The following CREBL2 variants were observed in gnomAD, a reference collection of about 807,000 sequenced individuals.
CREBL2 encodes the protein cAMP-responsive element-binding protein-like 2.
A neutral mutation model predicts 19.5 loss-of-function variants in CREBL2; 4 were observed. The ratio of observed to expected loss-of-function variants is 0.20; its 90% CI spans 0.10 to 0.47. CREBL2 has a LOEUF of 0.47. Ranked by LOEUF, CREBL2 falls within the 20% of genes least tolerant of loss-of-function variation. The pLI, the probability that CREBL2 is intolerant of heterozygous loss-of-function variation, is 0.98. For synonymous variants in CREBL2, 42 were observed against 46.6 expected (o/e 0.90, Z 0.40); for missense variants, 85 against 145.1 (o/e 0.59, Z 2.13).
At chr12:12,630,803 T>C (rs1945437884) in intron 1 of CREBL2, among the ~76,000 whole-genome samples, 1 of 151,410 alleles carries the variant, frequency 6.6e-6, no homozygotes, top group Non-Finnish European at 1.5e-5. Flanking sequence ...TATTTTCTTT[T>C]TCTTTCATCT....
intron 3 of CREBL2, among the ~76,000 whole-genome samples, chr12:12,638,301 G>A (rs1201659497): frequency 6.6e-6 from 1 of 152,088 alleles, no homozygotes. Context: ...ATTAGGCGCA[G>A]TGGTGTGCGC....
At position 12,616,516 on chromosome 12, in the gene CREBL2, G is replaced by A. The variant is rs116011341; in HGVS notation, c.15+4329G>A. ...AAAATTCATTTAAATGTCTCTGGAT[G>A]GAGAGTGCCTCTGGAATACTCTACT... On this transcript the variant is annotated intron_variant, in intron 1 of 3. Transcript: ENST00000228865. Among the ~76,000 whole-genome samples the A allele has an allele frequency of 7.0e-3, 1,059 of 152,310 alleles. 14 individuals carry two copies. The highest frequency in any genetic ancestry group is 0.024 in the African/African-American group (995 of 41,558).
intron 1 of CREBL2, among the ~76,000 whole-genome samples, chr12:12,631,390 G>A (rs1454574948): frequency 6.6e-6 from 1 of 152,178 alleles, no homozygotes; most frequent in Non-Finnish European, 1.5e-5. Context: ...TTTAAAGCCA[G>A]CTGTTTAAAT....
chr12:12,634,701 T>G (rs1399596242), intron 1 of CREBL2, among the ~76,000 whole-genome samples: 1 of 152,178 alleles, frequency 6.6e-6, no homozygotes, highest in Middle Eastern at 3.2e-3. Context: ...GAACTTACAG[T>G]TTTGAATGTT....
At position 12,611,903 on chromosome 12, in the gene CREBL2, TA is replaced by T; in HGVS notation, c.-267del. On this transcript the variant is annotated 5_prime_UTR_variant, in exon 1 of 4. Transcript: ENST00000228865. ...TCTCGGCGGCTCTCCAGAGCGTCTG[TA>T]AACACCCAGAGACTGTCATGGAGGG... The T allele has an allele frequency of 1.9e-6, 1 of 537,146 alleles. No individual in the cohort carries two copies. Among genetic ancestry groups the T allele is most frequent in the Non-Finnish European group, 3.3e-6 (1 of 303,812 alleles). 33.3% of individuals were successfully genotyped at this position (537,146 alleles called of 1,614,324 possible).
rs569234794 is a variant in CREBL2, at chr12:12,643,722, G to A, written c.*1724G>A. On this transcript the variant is annotated 3_prime_UTR_variant, in exon 4 of 4. Coordinates refer to ENST00000228865, the MANE Select transcript of CREBL2 (RefSeq NM_001310.4). The stretch of plus-strand genomic sequence containing the variant: ...GTGACTGTGTACTGAGATACCACTA[G>A]CCCAGTTTGCTGGGTCTCTATGTTT... The A allele has an allele frequency of 6.6e-6, 1 of 152,274 alleles. No homozygotes were observed. Among genetic ancestry groups the A allele is most frequent in the South Asian group, 2.1e-4 (1 of 4,816 alleles). 9.4% of individuals were successfully genotyped at this position (152,274 alleles called of 1,614,324 possible). A position where few individuals can be genotyped will look rare whatever the true frequency, so the allele number is the denominator to read the frequency against.
intron 3 of CREBL2, among the ~76,000 whole-genome samples, chr12:12,641,539 C>T (rs2136308516): frequency 2.0e-5 from 3 of 152,100 alleles, no homozygotes; most frequent in Admixed American, 2.0e-4. Context: ...GAACTCCTGA[C>T]TTCAGGTAAT....
At chr12:12,633,408 C>G (rs914480091) in intron 1 of CREBL2, among the ~76,000 whole-genome samples, 4 of 152,036 alleles carry the variant, frequency 2.6e-5, no homozygotes, top group Admixed American at 2.6e-4. Context: ...GCATTCCAGC[C>G]TGGGCGACAA....
intron 1 of CREBL2, among the ~76,000 whole-genome samples, chr12:12,624,341 G>A (rs1473492078): frequency 2.0e-5 from 3 of 152,188 alleles, no homozygotes; most frequent in African/African-American, 4.8e-5. Context: ...TAGGGAAGTG[G>A]GGTGGAAACG....
At chr12:12,618,838 G>A (rs533308347) in intron 1 of CREBL2, among the ~76,000 whole-genome samples, 6 of 152,070 alleles carry the variant, frequency 3.9e-5, no homozygotes, top group East Asian at 3.9e-4. Flanking sequence ...AGACCAGCCC[G>A]GCCAGCCCGG....
chr12:12,616,506 G>A (rs546414074), intron 1 of CREBL2, among the ~76,000 whole-genome samples: 2 of 152,282 alleles, frequency 1.3e-5, no homozygotes, highest in East Asian at 3.9e-4. Flanking sequence ...TCATTTAAAT[G>A]TCTCTGGATG....
intron 3 of CREBL2, among the ~76,000 whole-genome samples, chr12:12,640,436 G>GT (rs1220828421): frequency 6.6e-6 from 1 of 152,076 alleles, no homozygotes; most frequent in African/African-American, 2.4e-5. Flanking sequence ...AGATCTTATG[G>GT]TTTTCTTCCC....
intron 1 of CREBL2, among the ~76,000 whole-genome samples, chr12:12,613,990 C>CTTTTTTTTTTTTTTTTTTTTTTTT (rs57522744): frequency 1.4e-4 from 10 of 72,906 alleles, no homozygotes; most frequent in Admixed American, 1.9e-4. Flanking sequence ...TCTTTTTTTT[C>CTTTTTTTTTTTTTTTTTTTTTTTT]TTTTTTTTTT....
intron 1 of CREBL2, among the ~76,000 whole-genome samples, chr12:12,634,661 T>C (rs963386375): frequency 6.6e-6 from 1 of 152,244 alleles, no homozygotes; most frequent in Non-Finnish European, 1.5e-5. Flanking sequence ...CTTTCTTCTA[T>C]GTATTGTCTT....
chr12:12,634,603 T>C (rs1462399864), intron 1 of CREBL2, among the ~76,000 whole-genome samples: 1 of 152,228 alleles, frequency 6.6e-6, no homozygotes, highest in East Asian at 1.9e-4. Flanking sequence ...GGAAAAGCTA[T>C]TTATAATTAC....
chr12:12,619,703 A>G (rs1945345791), intron 1 of CREBL2, among the ~76,000 whole-genome samples: 1 of 152,214 alleles, frequency 6.6e-6, no homozygotes, highest in South Asian at 2.1e-4. Flanking sequence ...TCATAGATAG[A>G]AGGTTCTTAT....
Position 12,639,626 on chromosome 12 carries a change from T to G in CREBL2, c.358+1912T>G, listed in dbSNP as rs563640320. Among the ~76,000 whole-genome samples, 64 of 151,496 alleles carry G rather than the reference T, an allele frequency of 4.2e-4. 1 individual carries two copies. The South Asian group carries it at 0.012, about 28-fold the overall frequency. On this transcript the variant is annotated intron_variant, in intron 3 of 3. Transcript: ENST00000228865. ...AATGTCTAGGTCCCCTGCTCATGTT[T>G]TAATTAGGTTGTTTTTGTTGTTGAG...
chr12:12,627,633 C>T (rs976702688), intron 1 of CREBL2, among the ~76,000 whole-genome samples: 2 of 152,126 alleles, frequency 1.3e-5, no homozygotes, highest in Non-Finnish European at 2.9e-5. Flanking sequence ...AGTTGATGGA[C>T]ATTTGGGTTG....
rs142911589 is a variant in CREBL2, at chr12:12,625,232, C to T, written c.16-10545C>T. ...TTGAGGATGGGGTTTTGTCGGGGAC[C>T]CACCCTTTTCTGTCTAGAATTTTCT... is the stretch of plus-strand genomic sequence containing the variant. On this transcript the variant is annotated intron_variant, in intron 1 of 3. Transcript: ENST00000228865. 5.7e-3 allele frequency among the ~76,000 whole-genome samples: 871 copies of T among 152,178 alleles called. 10 individuals are homozygous for T. The highest frequency in any genetic ancestry group is 0.02 in the African/African-American group (825 of 41,520).
Sources: allele counts gnomAD v4.1 joint callset (sites outside exome capture counted in the v4.1 genomes callset), GRCh38; gene constraint gnomAD v4.1.1; transcripts MANE v1.5; gene names NCBI Gene and HGNC (gene_info 2026-07-23, HGNC 2026-07-21).